The following RIMS1 variants were observed in gnomAD, a reference collection of about 807,000 sequenced individuals.
The protein encoded by RIMS1 is regulating synaptic membrane exocytosis 1.
In RIMS1, 83 loss-of-function variants were observed where a neutral mutation model predicts 214.1. The observed-to-expected ratio is 0.39, with a 90% CI of 0.32 to 0.47. The LOEUF (loss-of-function observed/expected upper bound fraction) is 0.47, where lower values mean the gene tolerates loss of function less well. Ranked by LOEUF, RIMS1 falls within the 20% of genes least tolerant of loss-of-function variation. RIMS1 has a pLI of 0.99. For missense variants in RIMS1, 2,050 were observed against 2,161.8 expected, an observed-to-expected ratio of 0.95 and a Z score of 1.03; for synonymous variants, 793 against 786.8, an observed-to-expected ratio of 1.01 and a Z score of -0.13.
Position 72,266,044 on chromosome 6 carries a change from A to G in RIMS1, c.3393A>G (p.Arg1131=). 1.3e-6 allele frequency: 2 copies of G among 1,568,698 alleles called. No homozygotes were observed. The highest frequency in any genetic ancestry group is 1.7e-6 in the Non-Finnish European group (2 of 1,153,874). ...ATACTAGTTTGCATTCACCAGAACG[A>G]GAAAGGTATAAAATAAAGACTTTCT... ...RPDTSLHSPE[R]ERGRWSPSLD... is the part of the protein sequence containing the mutation. The change falls in exon 22 of 34, where the codon CGA becomes CGG. Residue 1131 remains arginine (R), a synonymous_variant. Coordinates refer to ENST00000521978, the MANE Select transcript of RIMS1 (RefSeq NM_014989.7).
chr6:72,203,865 T>G (rs2052459571), intron 6 of RIMS1, among the ~76,000 whole-genome samples: 2 of 152,198 alleles, frequency 1.3e-5, no homozygotes. Context: ...GTATTGTTAT[T>G]GGCAAATCTC....
chr6:72,360,043 A>AC (rs2097769276), intron 29 of RIMS1, among the ~76,000 whole-genome samples: 1 of 152,174 alleles, frequency 6.6e-6, no homozygotes, highest in Non-Finnish European at 1.5e-5. Flanking sequence ...ATTTGCCTTA[A>AC]TTGGAGTGAT....
At chr6:72,047,602 G>T (rs1350200231) in intron 2 of RIMS1, among the ~76,000 whole-genome samples, 1 of 152,066 alleles carries the variant, frequency 6.6e-6, no homozygotes, top group East Asian at 1.9e-4. Flanking sequence ...TCTATAAACT[G>T]TGCGGGCTAG....
chr6:71,990,953 G>A (rs544166689), intron 2 of RIMS1, among the ~76,000 whole-genome samples: 13 of 152,134 alleles, frequency 8.5e-5, no homozygotes, highest in African/African-American at 3.1e-4. Flanking sequence ...AAACAATTAA[G>A]ATAACAGAAT....
At chr6:72,348,238 C>T (rs1343973380) in intron 29 of RIMS1, among the ~76,000 whole-genome samples, 2 of 151,772 alleles carry the variant, frequency 1.3e-5, no homozygotes, top group East Asian at 1.9e-4. Flanking sequence ...CTTCGCAGGC[C>T]CGCTTATACA....
intron 29 of RIMS1, among the ~76,000 whole-genome samples, chr6:72,373,276 C>G (rs955278214): frequency 1.3e-5 from 2 of 152,148 alleles, no homozygotes; most frequent in African/African-American, 4.8e-5. Context: ...TTGCATAAGC[C>G]AGTATTTAAT....
In RIMS1 at chr6:72,274,447, C is replaced by A; in HGVS notation, c.3482+15C>A. 1 of 1,600,208 alleles carries A rather than the reference C, an allele frequency of 6.2e-7. No individual in the cohort carries two copies. Among genetic ancestry groups the A allele is most frequent in the Non-Finnish European group, 8.6e-7 (1 of 1,167,690 alleles). On this transcript the variant is annotated intron_variant, in intron 23 of 33. Transcript: ENST00000521978. ...GAGAATGACAGGTACTAGTCAACTC[C>A]TCCTCACAGACAAGTGGCTTCTAGA...
chr6:72,072,870 C>A (rs1830892976), intron 2 of RIMS1, among the ~76,000 whole-genome samples: 1 of 152,180 alleles, frequency 6.6e-6, no homozygotes, highest in Non-Finnish European at 1.5e-5. Flanking sequence ...ATTTATTGAA[C>A]TTCTGAATTG....
At chr6:72,315,302 C>T (rs1294377482) in intron 28 of RIMS1, among the ~76,000 whole-genome samples, 1 of 152,068 alleles carries the variant, frequency 6.6e-6, no homozygotes, top group Non-Finnish European at 1.5e-5. Flanking sequence ...AGGGGTGGAC[C>T]TAAAAAGAGT....
chr6:72,116,612 G>C (rs1214148436), intron 4 of RIMS1, among the ~76,000 whole-genome samples: 1 of 151,940 alleles, frequency 6.6e-6, no homozygotes, highest in Non-Finnish European at 1.5e-5. Context: ...GGATGAGAGA[G>C]TAAATATCTT....
chr6:72,205,849 A>C (rs1161001858), intron 6 of RIMS1, among the ~76,000 whole-genome samples: 1 of 152,166 alleles, frequency 6.6e-6, no homozygotes, highest in Admixed American at 6.5e-5. Context: ...AGCACTGATT[A>C]TAGGAATATT....
intron 10 of RIMS1, among the ~76,000 whole-genome samples, chr6:72,244,030 T>G (rs1422952662): frequency 6.6e-6 from 1 of 151,382 alleles, no homozygotes; most frequent in Non-Finnish European, 1.5e-5. Context: ...TATGTTTTAA[T>G]AATAATATTT....
chr6:72,201,700 A>G (rs1255276202), intron 6 of RIMS1, among the ~76,000 whole-genome samples: 1 of 152,202 alleles, frequency 6.6e-6, no homozygotes, highest in Non-Finnish European at 1.5e-5. Flanking sequence ...GCATTTACTC[A>G]GTCCTTCTAC....
intron 6 of RIMS1, chr6:72,216,466 G>C (rs906407650): frequency 1.0e-6 from 1 of 985,308 alleles, no homozygotes; most frequent in Non-Finnish European, 1.2e-6. Context: ...AAGCACTTTT[G>C]CCTGTGTTCC....
At chr6:72,310,282 A>T (rs1199227868) in intron 27 of RIMS1, among the ~76,000 whole-genome samples, 2 of 152,138 alleles carry the variant, frequency 1.3e-5, no homozygotes, top group Non-Finnish European at 2.9e-5. Flanking sequence ...GAAACCTAGT[A>T]TGTCTTTTAG....
chr6:72,354,664 A>G (rs990658029), intron 29 of RIMS1, among the ~76,000 whole-genome samples: 2 of 152,158 alleles, frequency 1.3e-5, no homozygotes, highest in African/African-American at 4.8e-5. Context: ...AATTTTTCCT[A>G]GTACTGTTTT....
At chr6:72,104,572 T>C (rs1455542752) in intron 4 of RIMS1, among the ~76,000 whole-genome samples, 3 of 152,150 alleles carry the variant, frequency 2.0e-5, no homozygotes, top group Non-Finnish European at 2.9e-5. Context: ...ACTGATACTG[T>C]AGTCTTTCAG....
intron 2 of RIMS1, among the ~76,000 whole-genome samples, chr6:72,043,156 A>ACT (rs2152094528): frequency 8.7e-6 from 1 of 114,524 alleles, no homozygotes; most frequent in East Asian, 2.0e-4. Context: ...ACTTGCATGC[A>ACT]CACACACACA....
intron 6 of RIMS1, among the ~76,000 whole-genome samples, chr6:72,210,819 T>TGC (rs1028956586): frequency 6.6e-6 from 1 of 152,204 alleles, no homozygotes; most frequent in African/African-American, 2.4e-5. Flanking sequence ...ACAGACCTGT[T>TGC]CTATGTATTT....
Sources: gnomAD v4.1 joint callset for allele counts (sites outside exome capture counted in the v4.1 genomes callset) on GRCh38, gnomAD v4.1.1 for gene constraint, MANE v1.5 for transcripts, NCBI Gene and HGNC (gene_info 2026-07-23, HGNC 2026-07-21) for gene names.